Variants in STPG2 observed in about 807,000 individuals in gnomAD.
STPG2 encodes the protein sperm tail PG-rich repeat containing 2, also known as sperm-tail PG-rich repeat-containing protein 2.
STPG2 carries 56 observed loss-of-function variants against 54.2 expected under a neutral mutation model. The observed-to-expected ratio is 1.03, with a 90% CI of 0.83 to 1.29. STPG2 has a LOEUF of 1.29. STPG2 is among the 50% of genes most tolerant of loss of function. STPG2 has a pLI of 0.00. For missense variants in STPG2, 596 were observed against 544.9 expected (o/e 1.09, Z -0.93); for synonymous variants, 200 against 181.8 (o/e 1.10, Z -0.81).
At chr4:97,840,147 T>C (rs1249263762) in intron 9 of STPG2, among the ~76,000 whole-genome samples, 1 of 151,602 alleles carries the variant, frequency 6.6e-6, no homozygotes, top group East Asian at 1.9e-4. Context: ...TTTATCTTTT[T>C]AATATAGCTT....
intron 4 of STPG2, among the ~76,000 whole-genome samples, chr4:97,512,721 A>G (rs575997512): frequency 6.6e-6 from 1 of 152,186 alleles, no homozygotes; most frequent in South Asian, 2.1e-4. Flanking sequence ...AATAGCTATC[A>G]CTTATTGAGG....
chr4:97,766,358 T>C (rs914089941), intron 9 of STPG2, among the ~76,000 whole-genome samples: 3 of 152,092 alleles, frequency 2.0e-5, no homozygotes, highest in East Asian at 1.9e-4. Flanking sequence ...TTGAGAAACA[T>C]GTTATTCCCA....
chr4:98,126,913 T>C (rs1482631126), intron 3 of STPG2, among the ~76,000 whole-genome samples: 1 of 152,052 alleles, frequency 6.6e-6, no homozygotes, highest in African/African-American at 2.4e-5. Context: ...TTTCTATAAG[T>C]CTGAAACTAT....
At chr4:98,044,417 C>T (rs533676141) in intron 5 of STPG2, among the ~76,000 whole-genome samples, 24 of 152,284 alleles carry the variant, frequency 1.6e-4, no homozygotes, top group African/African-American at 5.3e-4. Context: ...GCCCTCCCTT[C>T]ACACCTTGGG....
At chr4:97,909,996 A>T (rs1394185593) in intron 8 of STPG2, among the ~76,000 whole-genome samples, 1 of 152,194 alleles carries the variant, frequency 6.6e-6, no homozygotes, top group Non-Finnish European at 1.5e-5. Flanking sequence ...TCCATAGATT[A>T]TATGACTTTG....
chr4:97,969,686 C>T (rs1281463638), intron 7 of STPG2, among the ~76,000 whole-genome samples: 1 of 152,124 alleles, frequency 6.6e-6, no homozygotes, highest in Admixed American at 6.5e-5. Flanking sequence ...CTATCTATGA[C>T]AAACCCACAG....
chr4:97,779,643 G>C (rs942258509), intron 9 of STPG2, among the ~76,000 whole-genome samples: 4 of 152,092 alleles, frequency 2.6e-5, no homozygotes, highest in Middle Eastern at 3.2e-3. Flanking sequence ...TTTCACCAAA[G>C]TTCAAATGAA....
chr4:97,769,590 C>G (rs559220372), intron 9 of STPG2, among the ~76,000 whole-genome samples: 10 of 152,078 alleles, frequency 6.6e-5, no homozygotes, highest in South Asian at 4.1e-4. Context: ...TACTTAAGCA[C>G]TAAAGGAGCC....
intron 5 of STPG2, among the ~76,000 whole-genome samples, chr4:98,066,741 T>C (rs13129503): frequency 0.39 from 59,980 of 152,050 alleles, 12,070 homozygotes; most frequent in Middle Eastern, 0.46. Flanking sequence ...TACTGTTGTT[T>C]GTGAGTCAAA....
At chr4:97,884,102 A>G (rs1730475243) in intron 8 of STPG2, among the ~76,000 whole-genome samples, 1 of 152,118 alleles carries the variant, frequency 6.6e-6, no homozygotes, top group African/African-American at 2.4e-5. Context: ...AAACTCATTC[A>G]AAACAAACCA....
chr4:97,551,904 A>G (rs1266633719), intron 4 of STPG2, among the ~76,000 whole-genome samples: 3 of 152,152 alleles, frequency 2.0e-5, no homozygotes, highest in African/African-American at 7.2e-5. Context: ...AGGTAATGAG[A>G]TGATACACAT....
At chr4:97,860,719 G>A (rs1348422934) in intron 8 of STPG2, among the ~76,000 whole-genome samples, 1 of 151,982 alleles carries the variant, frequency 6.6e-6, no homozygotes, top group Non-Finnish European at 1.5e-5. Context: ...CGTATCATCA[G>A]CAAACAGATA....
intron 8 of STPG2, among the ~76,000 whole-genome samples, chr4:97,855,332 C>G (rs1310600982): frequency 1.3e-5 from 2 of 152,000 alleles, no homozygotes; most frequent in Non-Finnish European, 2.9e-5. Flanking sequence ...GAAGAATCGC[C>G]GCAGTCTTCC....
At chr4:97,565,231 C>A (rs150887491) in intron 10 of STPG2, among the ~76,000 whole-genome samples, 2,269 of 152,290 alleles carry the variant, frequency 0.015, 52 homozygotes, top group African/African-American at 0.052. Flanking sequence ...CACATCAGCT[C>A]CTGAGGCTTC....
At chr4:97,819,984 A>T (rs1259298579) in intron 9 of STPG2, among the ~76,000 whole-genome samples, 4 of 151,240 alleles carry the variant, frequency 2.6e-5, no homozygotes, top group Non-Finnish European at 4.4e-5. Context: ...GTTTTTTTTT[A>T]AATTGAAGGT....
intron 9 of STPG2, among the ~76,000 whole-genome samples, chr4:97,735,876 G>T (rs151176370): frequency 4.6e-5 from 7 of 151,942 alleles, no homozygotes; most frequent in Non-Finnish European, 1.0e-4. Context: ...TTTAAAAATG[G>T]GCAAAGGACC....
intron 10 of STPG2, among the ~76,000 whole-genome samples, chr4:97,696,013 A>T (rs537989153): frequency 6.6e-6 from 1 of 152,206 alleles, no homozygotes; most frequent in South Asian, 2.1e-4. Flanking sequence ...TAGAAAAAAA[A>T]ACCTAAATTT....
chr4:97,785,823 T>C (rs1410547702), intron 9 of STPG2, among the ~76,000 whole-genome samples: 1 of 149,080 alleles, frequency 6.7e-6, no homozygotes, highest in Non-Finnish European at 1.5e-5. Flanking sequence ...ATGAAGACCA[T>C]AAAAAGAAGA....
At chr4:97,944,297 T>C (rs1733115710) in intron 7 of STPG2, among the ~76,000 whole-genome samples, 2 of 152,098 alleles carry the variant, frequency 1.3e-5, no homozygotes, top group African/African-American at 4.8e-5. Context: ...AACCAGCAAG[T>C]TCTGTCTCAA....
Sources: allele counts gnomAD v4.1 joint callset (sites outside exome capture counted in the v4.1 genomes callset), GRCh38; gene constraint gnomAD v4.1.1; transcripts MANE v1.5; gene names NCBI Gene and HGNC (gene_info 2026-07-23, HGNC 2026-07-21).